The following KCTD8 variants were observed in gnomAD, a reference collection of about 807,000 sequenced individuals.
KCTD8 encodes BTB/POZ domain-containing protein KCTD8.
In KCTD8, 27 loss-of-function variants were observed where a neutral mutation model predicts 31.5. The observed-to-expected ratio is 0.86, with a 90% confidence interval of 0.63 to 1.18. The LOEUF (loss-of-function observed/expected upper bound fraction) is 1.18. Among genes scored for constraint, KCTD8 ranks in the 50% most tolerant of loss-of-function variants. KCTD8 has a pLI of 0.00. For missense variants in KCTD8, 658 were observed against 647.7 expected (o/e 1.02, Z -0.17); for synonymous variants, 290 against 280.0 (o/e 1.04, Z -0.36).
At chr4:44,283,302 G>T (rs1716953723) in intron 1 of KCTD8, among the ~76,000 whole-genome samples, 2 of 151,930 alleles carry the variant, frequency 1.3e-5, no homozygotes, top group Non-Finnish European at 2.9e-5. Flanking sequence ...TGCCCACTGT[G>T]GCCTCCCAAA....
intron 1 of KCTD8, among the ~76,000 whole-genome samples, chr4:44,397,289 T>C (rs1055828014): frequency 6.6e-6 from 1 of 152,210 alleles, no homozygotes. Flanking sequence ...TATTGATTTA[T>C]AAGTTCCTTG....
intron 1 of KCTD8, among the ~76,000 whole-genome samples, chr4:44,406,302 C>A (rs1720795543): frequency 6.6e-6 from 1 of 152,096 alleles, no homozygotes; most frequent in African/African-American, 2.4e-5. Context: ...AAACATGACT[C>A]TTCTCTTTTG....
intron 1 of KCTD8, among the ~76,000 whole-genome samples, chr4:44,388,102 A>T (rs1720271046): frequency 6.6e-6 from 1 of 152,008 alleles, no homozygotes; most frequent in Middle Eastern, 3.2e-3. Context: ...ATCATAATTT[A>T]AAAAGTTCAA....
At chr4:44,307,002 A>G (rs1577606197) in intron 1 of KCTD8, among the ~76,000 whole-genome samples, 1 of 152,028 alleles carries the variant, frequency 6.6e-6, no homozygotes, top group Non-Finnish European at 1.5e-5. Context: ...TGAGAAAGTG[A>G]CCTGACACTC....
intron 1 of KCTD8, among the ~76,000 whole-genome samples, chr4:44,254,300 C>G (rs1715930464): frequency 6.6e-6 from 1 of 151,910 alleles, no homozygotes; most frequent in Non-Finnish European, 1.5e-5. Flanking sequence ...ATCCAGCAAA[C>G]TATTTTCAAA....
chr4:44,330,180 T>C (rs1390774188), intron 1 of KCTD8, among the ~76,000 whole-genome samples: 2 of 152,012 alleles, frequency 1.3e-5, no homozygotes, highest in African/African-American at 4.8e-5. Context: ...TTGGTTAGTC[T>C]TATAGTCATC....
intron 1 of KCTD8, among the ~76,000 whole-genome samples, chr4:44,364,395 C>G (rs1484811595): frequency 6.6e-6 from 1 of 152,018 alleles, no homozygotes; most frequent in Non-Finnish European, 1.5e-5. Context: ...CTACTACACA[C>G]CTATCAGAAT....
At chr4:44,336,169 A>G (rs1239585463) in intron 1 of KCTD8, among the ~76,000 whole-genome samples, 8 of 148,966 alleles carry the variant, frequency 5.4e-5, no homozygotes, top group East Asian at 1.9e-4. Flanking sequence ...AAAAAAAAAA[A>G]AAAAAAAGAA....
chr4:44,389,253 T>C (rs1427102959), intron 1 of KCTD8, among the ~76,000 whole-genome samples: 1 of 151,740 alleles, frequency 6.6e-6, no homozygotes, highest in Admixed American at 6.6e-5. Context: ...ATAATTTATG[T>C]GTACATTTTA....
chr4:44,431,901 T>C (rs1721515291), intron 1 of KCTD8, among the ~76,000 whole-genome samples: 2 of 151,668 alleles, frequency 1.3e-5, no homozygotes, highest in East Asian at 1.9e-4. Flanking sequence ...GTTGAGAGCT[T>C]GAACATCTGT....
chr4:44,354,820 A>G (rs2109426686), intron 1 of KCTD8, among the ~76,000 whole-genome samples: 1 of 152,294 alleles, frequency 6.6e-6, no homozygotes, highest in East Asian at 1.9e-4. Flanking sequence ...TCCCCAAGGA[A>G]GAGCCTGTAA....
At position 44,187,251 on chromosome 4, in the gene KCTD8, G is replaced by A. The variant is rs531952846; in HGVS notation, c.962-12001C>T. Among the ~76,000 whole-genome samples the A allele has an allele frequency of 1.4e-4, 21 of 152,282 alleles. No individual in the cohort carries two copies. In the South Asian group the frequency reaches 1.4e-3, roughly 11 times the overall value. ...ACTTACATGATTGCACCTCATGCTCGTAGTAGAAAACATATTAGGTGTTCA... is the reference window on the plus strand; with the variant it reads ...ACTTACATGATTGCACCTCATGCTCATAGTAGAAAACATATTAGGTGTTCA... On this transcript the variant is annotated intron_variant, in intron 1 of 1. Transcript: ENST00000360029.
At chr4:44,262,715 T>C (rs565637944) in intron 1 of KCTD8, among the ~76,000 whole-genome samples, 11 of 152,262 alleles carry the variant, frequency 7.2e-5, no homozygotes, top group African/African-American at 2.4e-4. Flanking sequence ...AAAATGGTTA[T>C]GTTTCTCCCT....
chr4:44,226,833 GTCT>G (rs1401201084), intron 1 of KCTD8, among the ~76,000 whole-genome samples: 2 of 151,646 alleles, frequency 1.3e-5, no homozygotes, highest in African/African-American at 2.4e-5. Flanking sequence ...CCACATAAAT[GTCT>G]TCTTTTGAGA....
chr4:44,378,656 G>A (rs551179855), intron 1 of KCTD8, among the ~76,000 whole-genome samples: 1 of 152,104 alleles, frequency 6.6e-6, no homozygotes, highest in South Asian at 2.1e-4. Context: ...AAAAAACAAT[G>A]AAACATTATT....
intron 1 of KCTD8, among the ~76,000 whole-genome samples, chr4:44,184,179 C>A (rs550814685): frequency 5.9e-5 from 9 of 152,110 alleles, no homozygotes; most frequent in Admixed American, 2.0e-4. Flanking sequence ...GATGAGGGAG[C>A]AAGGAGTAAA....
At chr4:44,366,285 T>C (rs1719631956) in intron 1 of KCTD8, among the ~76,000 whole-genome samples, 2 of 152,106 alleles carry the variant, frequency 1.3e-5, no homozygotes, top group African/African-American at 2.4e-5. Context: ...CATGTTAACA[T>C]GTGATTCCCA....
chr4:44,413,452 T>C (rs532353814), intron 1 of KCTD8, among the ~76,000 whole-genome samples: 1 of 152,282 alleles, frequency 6.6e-6, no homozygotes, highest in African/African-American at 2.4e-5. Flanking sequence ...CTGTTATCTA[T>C]TATTGGTAAA....
chr4:44,242,552 T>C (rs953810992), intron 1 of KCTD8, among the ~76,000 whole-genome samples: 2 of 151,850 alleles, frequency 1.3e-5, no homozygotes, highest in African/African-American at 4.8e-5. Flanking sequence ...CAGTCTGGAC[T>C]GGGCGAAAGG....
Sources: gnomAD v4.1 joint callset for allele counts (sites outside exome capture counted in the v4.1 genomes callset) on GRCh38, gnomAD v4.1.1 for gene constraint, MANE v1.5 for transcripts, NCBI Gene and HGNC (gene_info 2026-07-23, HGNC 2026-07-21) for gene names.